IQSEC1: variants seen among roughly 807,000 people sequenced by gnomAD.
IQSEC1 encodes the protein IQ motif and SEC7 domain-containing protein 1.
IQSEC1 carries 31 observed loss-of-function variants against 91.0 expected under a neutral mutation model. The observed-to-expected ratio is 0.34, with a 90% CI of 0.26 to 0.46. IQSEC1 has a LOEUF of 0.46. Among genes scored for constraint, IQSEC1 ranks in the 20% least tolerant of loss-of-function variants. IQSEC1 has a pLI of 1.00. For synonymous variants in IQSEC1, 699 were observed against 662.6 expected (o/e 1.05, Z -0.84); for missense variants, 1,388 against 1,575.6 (o/e 0.88, Z 2.02).
intron 3 of IQSEC1, among the ~76,000 whole-genome samples, chr3:12,928,088 C>T (rs561741971): frequency 2.6e-5 from 4 of 152,262 alleles, no homozygotes; most frequent in East Asian, 1.9e-4. Context: ...CTGGGGAGAT[C>T]GTGGGCCAGG....
intron 1 of IQSEC1, among the ~76,000 whole-genome samples, chr3:13,028,401 A>T (rs1703712093): frequency 6.6e-6 from 1 of 152,192 alleles, no homozygotes; most frequent in Non-Finnish European, 1.5e-5. Context: ...CAGGAAGTAT[A>T]AAGACAATTG....
intron 1 of IQSEC1, among the ~76,000 whole-genome samples, chr3:13,252,020 G>A (rs915216166): frequency 1.3e-5 from 2 of 152,238 alleles, no homozygotes; most frequent in African/African-American, 2.4e-5. Context: ...GTTTTTCCCC[G>A]ATTTTTTATT....
chr3:13,273,039 C>A (rs1458494432), intron 1 of IQSEC1, among the ~76,000 whole-genome samples: 3 of 152,176 alleles, frequency 2.0e-5, no homozygotes, highest in Non-Finnish European at 4.4e-5. Flanking sequence ...TGCACAGTTA[C>A]ATACATCAAG....
intron 1 of IQSEC1, among the ~76,000 whole-genome samples, chr3:13,039,200 T>C (rs1427962822): frequency 6.6e-6 from 1 of 152,254 alleles, no homozygotes; most frequent in African/African-American, 2.4e-5. Flanking sequence ...AAAGAGTCTA[T>C]AGAGGCATCT....
intron 1 of IQSEC1, among the ~76,000 whole-genome samples, chr3:13,215,374 C>T (rs1020555138): frequency 6.6e-6 from 1 of 151,706 alleles, no homozygotes; most frequent in Non-Finnish European, 1.5e-5. Flanking sequence ...TCCAGGAGCA[C>T]ACGGAGCTTT....
chr3:13,177,518 G>C (rs1299336029), intron 1 of IQSEC1, among the ~76,000 whole-genome samples: 1 of 152,110 alleles, frequency 6.6e-6, no homozygotes, highest in Non-Finnish European at 1.5e-5. Flanking sequence ...ACACCAGCCT[G>C]AGCCAGCCAG....
At chr3:13,264,715 G>A (rs1015810862) in intron 1 of IQSEC1, among the ~76,000 whole-genome samples, 12 of 151,936 alleles carry the variant, frequency 7.9e-5, no homozygotes, top group African/African-American at 2.7e-4. Context: ...AGCGGGAGGA[G>A]GACGGAGGAG....
intron 1 of IQSEC1, among the ~76,000 whole-genome samples, chr3:12,971,269 G>A (rs189297902): frequency 5.3e-5 from 8 of 152,312 alleles, no homozygotes; most frequent in Admixed American, 2.6e-4. Context: ...AAACATGGGG[G>A]AAGACAGTGA....
At chr3:13,086,407 G>A (rs975970935) in intron 2 of IQSEC1, among the ~76,000 whole-genome samples, 3 of 152,190 alleles carry the variant, frequency 2.0e-5, no homozygotes, top group Admixed American at 1.3e-4. Flanking sequence ...CTGGTTCAGC[G>A]CTGGGAGATG....
rs945899995 is a variant in IQSEC1 at position 12,900,825 on chromosome 3, G to A, written c.*158C>T. ...TGGGCCTTTGTTCCACACAACACCA[G>A]CCCTGTGGGCTCCTGGGGCTCCGGT... On this transcript the variant is annotated 3_prime_UTR_variant, in exon 14 of 14. Transcript: ENST00000613206. 2.0e-6 allele frequency: 3 copies of A among 1,504,748 alleles called. No homozygotes were observed. The highest frequency in any genetic ancestry group is 1.4e-5 in the African/African-American group (1 of 72,164). The allele number at this position is 1,504,748 out of a possible 1,614,324, so 93.2% of individuals were successfully genotyped here. A position where few individuals can be genotyped will look rare whatever the true frequency, so the allele number is the denominator to read the frequency against.
intron 1 of IQSEC1, 31 bp from the exon 2 acceptor site, chr3:12,941,896 G>A (rs1436207898): frequency 1.9e-6 from 3 of 1,541,220 alleles, no homozygotes; most frequent in Non-Finnish European, 2.6e-6. Flanking sequence ...AGAAGCTTCT[G>A]GTAAGCGGGA....
intron 2 of IQSEC1, among the ~76,000 whole-genome samples, chr3:12,938,180 G>A (rs958199067): frequency 2.4e-4 from 37 of 152,324 alleles, no homozygotes; most frequent in African/African-American, 7.7e-4. Context: ...CAGGCAAAGC[G>A]TTGCACCTGC....
At chr3:13,238,820 C>T (rs1179461489) in intron 1 of IQSEC1, among the ~76,000 whole-genome samples, 1 of 152,192 alleles carries the variant, frequency 6.6e-6, no homozygotes, top group Non-Finnish European at 1.5e-5. Context: ...CAGCAGCCCC[C>T]AGGCCCTCCT....
chr3:13,191,147 G>A (rs972405083), intron 1 of IQSEC1, among the ~76,000 whole-genome samples: 1 of 152,198 alleles, frequency 6.6e-6, no homozygotes, highest in Non-Finnish European at 1.5e-5. Flanking sequence ...CCCTCGATTT[G>A]ACACTAAGAC....
intron 1 of IQSEC1, among the ~76,000 whole-genome samples, chr3:13,039,133 C>G (rs1442796670): frequency 6.6e-6 from 1 of 152,248 alleles, no homozygotes; most frequent in East Asian, 1.9e-4. Context: ...GTCGGCTGGG[C>G]TCTGGGAACT....
intron 1 of IQSEC1, among the ~76,000 whole-genome samples, chr3:13,199,571 C>T (rs562303188): frequency 7.9e-5 from 12 of 152,266 alleles, no homozygotes; most frequent in African/African-American, 2.4e-4. Context: ...GTCGCCCCTC[C>T]GCTCCTTCCC....
chr3:13,021,666 G>A (rs1703403713), intron 1 of IQSEC1, among the ~76,000 whole-genome samples: 1 of 152,212 alleles, frequency 6.6e-6, no homozygotes, highest in Non-Finnish European at 1.5e-5. Flanking sequence ...TACACCAAGC[G>A]CTGAAGGGAC....
intron 1 of IQSEC1, among the ~76,000 whole-genome samples, chr3:13,280,470 G>A (rs962185914): frequency 5.9e-5 from 9 of 152,156 alleles, no homozygotes; most frequent in Admixed American, 1.3e-4. Context: ...TGATGCCCCC[G>A]TCCCTGTGAG....
chr3:13,060,594 C>T (rs1373145781), intron 1 of IQSEC1, among the ~76,000 whole-genome samples: 1 of 152,232 alleles, frequency 6.6e-6, no homozygotes, highest in Non-Finnish European at 1.5e-5. Context: ...AAGGGGGCCA[C>T]CTGCCCAAGG....
Sources: gnomAD v4.1 joint callset for allele counts (sites outside exome capture counted in the v4.1 genomes callset) on GRCh38, gnomAD v4.1.1 for gene constraint, MANE v1.5 for transcripts, NCBI Gene and HGNC (gene_info 2026-07-23, HGNC 2026-07-21) for gene names.